DIRAS2: variants seen among roughly 807,000 people sequenced by gnomAD.
DIRAS2 encodes DIRAS family GTPase 2.
DIRAS2 carries 5 observed loss-of-function variants against 13.9 expected under a neutral mutation model. That is an observed-to-expected ratio of 0.36 (90% CI 0.19 to 0.76). The LOEUF (loss-of-function observed/expected upper bound fraction) is 0.76, where lower values mean the gene tolerates loss of function less well. Among genes scored for constraint, DIRAS2 ranks in the 30% least tolerant of loss-of-function variants. The pLI, the probability that DIRAS2 is intolerant of heterozygous loss-of-function variation, is 0.53. For missense variants in DIRAS2, 191 were observed against 263.0 expected (o/e 0.73, Z 1.89); for synonymous variants, 111 against 105.4 (o/e 1.05, Z -0.33).
At chr9:90,624,817 C>T (rs1587722882) in intron 1 of DIRAS2, among the ~76,000 whole-genome samples, 1 of 152,062 alleles carries the variant, frequency 6.6e-6, no homozygotes, top group East Asian at 1.9e-4. Context: ...CGGGTTCAAG[C>T]GAATCTCCTG....
chr9:90,620,633 G>A (rs950368004), intron 1 of DIRAS2, among the ~76,000 whole-genome samples: 7 of 151,902 alleles, frequency 4.6e-5, no homozygotes, highest in Admixed American at 3.9e-4. Flanking sequence ...TTGTGTGCCT[G>A]TAATCCCAGT....
chr9:90,618,799 A>G (rs1825192843), intron 1 of DIRAS2, among the ~76,000 whole-genome samples: 1 of 152,230 alleles, frequency 6.6e-6, no homozygotes, highest in African/African-American at 2.4e-5. Context: ...AAGAAGATAT[A>G]CAAATAGCCA....
intron 1 of DIRAS2, among the ~76,000 whole-genome samples, chr9:90,620,185 A>G (rs768483283): frequency 2.2e-4 from 33 of 152,362 alleles, no homozygotes; most frequent in Non-Finnish European, 4.3e-4. Context: ...TGCGGGAATT[A>G]TATCTCAGTA....
chr9:90,633,288 C>T (rs573674334), intron 1 of DIRAS2, among the ~76,000 whole-genome samples: 2 of 152,068 alleles, frequency 1.3e-5, no homozygotes, highest in South Asian at 2.1e-4. Context: ...AGTGATGGGT[C>T]GGTGGGAAAA....
In DIRAS2 at chr9:90,613,665, A is replaced by AT; in HGVS notation, c.162dup (p.Cys55MetfsTer70). ...GTCGTGTCGGTGATCTGCAATGTGC[A>AT]TATGCTCTTGTCACAGCTGATCACT... On this transcript the variant is annotated frameshift_variant, in exon 2 of 2. Transcript: ENST00000375765. LOFTEE classifies it high-confidence loss of function. This position sits in a 1 kb window ranked among gnomAD's most constrained non-coding sequence, Gnocchi z 5.6. The AT allele has an allele frequency of 1.2e-6, 2 of 1,614,144 alleles. No homozygotes were observed. Among genetic ancestry groups the AT allele is most frequent in the Non-Finnish European group, 1.7e-6 (2 of 1,180,024 alleles).
At chr9:90,625,200 C>T (rs570454525) in intron 1 of DIRAS2, among the ~76,000 whole-genome samples, 1 of 152,194 alleles carries the variant, frequency 6.6e-6, no homozygotes, top group Non-Finnish European at 1.5e-5. Flanking sequence ...GGGCTTGATG[C>T]ACTACTGTGT....
At chr9:90,632,722 A>T (rs2118576893) in intron 1 of DIRAS2, among the ~76,000 whole-genome samples, 1 of 152,344 alleles carries the variant, frequency 6.6e-6, no homozygotes, top group South Asian at 2.1e-4. Flanking sequence ...CAGTCCATGC[A>T]TGAATCTGTG....
In DIRAS2 at chr9:90,611,102, T is replaced by C. The variant is rs947968689; in HGVS notation, c.*2126A>G. ...TCTGTTTCTTCTTCCATTTAACCTA[T>C]ACCCAAATTAAAACTTGATCATCTC... On this transcript the variant is annotated 3_prime_UTR_variant, in exon 2 of 2. Coordinates refer to ENST00000375765, the MANE Select transcript of DIRAS2 (RefSeq NM_017594.5). The C allele has an allele frequency of 6.6e-6, 1 of 152,144 alleles. No individual in the cohort carries two copies. The highest frequency in any genetic ancestry group is 1.5e-5 in the Non-Finnish European group (1 of 68,026). The allele number at this position is 152,144 out of a possible 1,614,324, so 9.4% of individuals were successfully genotyped here. A position where few individuals can be genotyped will look rare whatever the true frequency, so the allele number is the denominator to read the frequency against.
At chr9:90,635,666 G>T (rs1825363729) in intron 1 of DIRAS2, among the ~76,000 whole-genome samples, 1 of 152,214 alleles carries the variant, frequency 6.6e-6, no homozygotes, top group Non-Finnish European at 1.5e-5. Flanking sequence ...TAACACTAGG[G>T]GCAAAAGTGT....
intron 1 of DIRAS2, among the ~76,000 whole-genome samples, chr9:90,629,649 T>C (rs912803877): frequency 2.6e-5 from 4 of 152,244 alleles, no homozygotes; most frequent in African/African-American, 9.6e-5. Flanking sequence ...GTCTCTTATA[T>C]GTAATGGAGT....
intron 1 of DIRAS2, among the ~76,000 whole-genome samples, chr9:90,615,373 A>G (rs984417186): frequency 6.6e-6 from 1 of 152,236 alleles, no homozygotes; most frequent in African/African-American, 2.4e-5. Flanking sequence ...CTAAGGAAAC[A>G]TCAATGCTAA....
At chr9:90,621,167 C>A (rs901947522) in intron 1 of DIRAS2, among the ~76,000 whole-genome samples, 2 of 151,584 alleles carry the variant, frequency 1.3e-5, no homozygotes, top group Non-Finnish European at 2.9e-5. Flanking sequence ...TTACAACAGG[C>A]CTGGGAATGA....
intron 1 of DIRAS2, among the ~76,000 whole-genome samples, chr9:90,618,500 T>C (rs982431342): frequency 2.6e-5 from 4 of 152,106 alleles, no homozygotes; most frequent in Non-Finnish European, 4.4e-5. Flanking sequence ...AACCTTGGAG[T>C]AAACAGTGTT....
intron 1 of DIRAS2, among the ~76,000 whole-genome samples, chr9:90,628,847 T>C (rs1445835227): frequency 6.8e-6 from 1 of 147,008 alleles, no homozygotes; most frequent in African/African-American, 2.5e-5. Flanking sequence ...TTGCCCAGCC[T>C]AAAAATATAT....
chr9:90,640,369 C>G (rs1487561606), intron 1 of DIRAS2, among the ~76,000 whole-genome samples: 1 of 152,104 alleles, frequency 6.6e-6, no homozygotes, highest in Non-Finnish European at 1.5e-5. Context: ...AGAGTCCTTC[C>G]CCGTCAGTGA....
intron 1 of DIRAS2, among the ~76,000 whole-genome samples, chr9:90,619,931 C>T (rs1205138833): frequency 6.6e-6 from 1 of 151,994 alleles, no homozygotes; most frequent in Admixed American, 6.6e-5. Flanking sequence ...GTAAAAGAAG[C>T]CAGTAGCAAA....
chr9:90,629,827 C>T (rs1464332142), intron 1 of DIRAS2, among the ~76,000 whole-genome samples: 10 of 152,232 alleles, frequency 6.6e-5, no homozygotes, highest in African/African-American at 2.4e-4. Flanking sequence ...CGGGCACAAC[C>T]ATCTTTTATT....
At chr9:90,623,969 T>C (rs1342683600) in intron 1 of DIRAS2, among the ~76,000 whole-genome samples, 16 of 152,246 alleles carry the variant, frequency 1.1e-4, no homozygotes, top group Non-Finnish European at 1.5e-5. Flanking sequence ...TAGTGTACTA[T>C]TCTGCCCTAA....
chr9:90,638,636 ATGTGTGTGTG>A (rs10599969), intron 1 of DIRAS2, among the ~76,000 whole-genome samples: 2 of 148,778 alleles, frequency 1.3e-5, no homozygotes, highest in East Asian at 2.0e-4. Flanking sequence ...TCCATTGATC[ATGTGTGTGTG>A]TGTGTGTGTG....
Sources: allele counts gnomAD v4.1 joint callset (sites outside exome capture counted in the v4.1 genomes callset), GRCh38; gene constraint gnomAD v4.1.1; non-coding constraint Gnocchi (gnomAD v3.1); transcripts MANE v1.5; gene names NCBI Gene and HGNC (gene_info 2026-07-23, HGNC 2026-07-21).